TFCP2: variants seen among roughly 807,000 people sequenced by gnomAD.
TFCP2 encodes transcription factor CP2.
In TFCP2, 33 loss-of-function variants were observed where a neutral mutation model predicts 73.4. The ratio of observed to expected loss-of-function variants is 0.45; its 90% CI spans 0.34 to 0.60. TFCP2 has a LOEUF of 0.60. Among genes scored for constraint, TFCP2 ranks in the 20% least tolerant of loss-of-function variants. TFCP2 has a pLI of 0.01. For missense variants in TFCP2, 352 were observed against 604.0 expected, an observed-to-expected ratio of 0.58 and a Z score of 4.37; for synonymous variants, 193 against 211.6, an observed-to-expected ratio of 0.91 and a Z score of 0.76.
intron 1 of TFCP2, among the ~76,000 whole-genome samples, chr12:51,167,124 A>G (rs1941772481): frequency 6.6e-6 from 1 of 152,188 alleles, no homozygotes; most frequent in Admixed American, 6.6e-5. Flanking sequence ...TTCACAATGA[A>G]TCTCCTTTTC....
intron 1 of TFCP2, among the ~76,000 whole-genome samples, chr12:51,169,811 T>G: frequency 6.6e-6 from 1 of 152,228 alleles, no homozygotes. Flanking sequence ...GTGCATTTGA[T>G]TTTGATGTTG....
chr12:51,167,153 T>C (rs2137050960), intron 1 of TFCP2, among the ~76,000 whole-genome samples: 1 of 152,172 alleles, frequency 6.6e-6, no homozygotes, highest in East Asian at 1.9e-4. Flanking sequence ...ATAAAGTTTG[T>C]GCCACAATAA....
chr12:51,102,992 T>C (rs549456016), intron 10 of TFCP2, among the ~76,000 whole-genome samples: 1 of 151,510 alleles, frequency 6.6e-6, no homozygotes, highest in South Asian at 2.1e-4. Flanking sequence ...CATCAAAAAG[T>C]GCTAAATAGG....
intron 1 of TFCP2, chr12:51,125,100 C>G (rs759724586): frequency 2.5e-5 from 19 of 753,650 alleles, no homozygotes; most frequent in Middle Eastern, 4.6e-4. Flanking sequence ...GGTGAAGATG[C>G]GAGGAAGCTG....
intron 5 of TFCP2, among the ~76,000 whole-genome samples, chr12:51,110,044 G>C (rs1940360158): frequency 6.6e-6 from 1 of 151,998 alleles, no homozygotes; most frequent in African/African-American, 2.4e-5. Flanking sequence ...GAAGAACCTT[G>C]TCTGACTGAC....
chr12:51,163,054 C>T (rs988590599), intron 1 of TFCP2: 1 of 152,160 alleles, frequency 6.6e-6, no homozygotes, highest in Non-Finnish European at 1.5e-5. Context: ...AATCTCAGCA[C>T]TTTGAGAGGC....
chr12:51,111,800 G>C (rs1464746893), intron 4 of TFCP2, among the ~76,000 whole-genome samples: 1 of 151,812 alleles, frequency 6.6e-6, no homozygotes, highest in African/African-American at 2.4e-5. Flanking sequence ...GTTGCAGTGA[G>C]CCGGAGATCG....
intron 1 of TFCP2, among the ~76,000 whole-genome samples, chr12:51,131,705 ACTC>A (rs1307945704): frequency 6.6e-6 from 1 of 152,116 alleles, no homozygotes; most frequent in African/African-American, 2.4e-5. Context: ...GCCTTGAATA[ACTC>A]CTCTTTTGAA....
chr12:51,141,763 G>A (rs1181155332), intron 1 of TFCP2, among the ~76,000 whole-genome samples: 4 of 151,444 alleles, frequency 2.6e-5, no homozygotes, highest in African/African-American at 7.3e-5. Flanking sequence ...AAAAATAGCT[G>A]GGCATGGTGG....
At chr12:51,172,268 A>G (rs1466325412) in intron 1 of TFCP2, 33 bp downstream of exon 1, 2 of 1,611,574 alleles carry the variant, frequency 1.2e-6, no homozygotes, top group East Asian at 4.5e-5. Flanking sequence ...TTTGTTATTC[A>G]GAAGGTGTAG....
chr12:51,147,578 C>T (rs1388106527), intron 1 of TFCP2, among the ~76,000 whole-genome samples: 2 of 152,000 alleles, frequency 1.3e-5, no homozygotes, highest in Non-Finnish European at 2.9e-5. Flanking sequence ...GCTGGGATAA[C>T]TGGCAAGCCA....
chr12:51,156,571 C>T (rs372205384), intron 1 of TFCP2, among the ~76,000 whole-genome samples: 13 of 152,290 alleles, frequency 8.5e-5, no homozygotes, highest in African/African-American at 3.1e-4. Flanking sequence ...GCTGACTTCA[C>T]AGAATGAATT....
chr12:51,095,963 G>C, intron 14 of TFCP2, 26 bp downstream of exon 14: 1 of 1,604,738 alleles, frequency 6.2e-7, no homozygotes, highest in African/African-American at 1.3e-5. Flanking sequence ...AAACTGCTTA[G>C]AGAAAGATGT....
intron 1 of TFCP2, among the ~76,000 whole-genome samples, chr12:51,149,754 C>T (rs1941382690): frequency 6.6e-6 from 1 of 152,076 alleles, no homozygotes. Flanking sequence ...CATGCATCAC[C>T]ACGCTCAGCT....
intron 1 of TFCP2, among the ~76,000 whole-genome samples, chr12:51,159,295 A>C (rs1408645056): frequency 6.6e-6 from 1 of 151,500 alleles, no homozygotes; most frequent in Non-Finnish European, 1.5e-5. Context: ...CCTCTTTGCA[A>C]CTCTGTGATC....
chr12:51,114,860 G>A (rs1420238790), intron 4 of TFCP2, among the ~76,000 whole-genome samples: 1 of 151,280 alleles, frequency 6.6e-6, no homozygotes, highest in African/African-American at 2.4e-5. Context: ...TCAAGAGATT[G>A]AGACTACCCT....
chr12:51,132,357 CT>C (rs869123355), intron 1 of TFCP2, among the ~76,000 whole-genome samples: 80 of 61,774 alleles, frequency 1.3e-3, no homozygotes, highest in African/African-American at 3.7e-3. Context: ...AGGGATTAGT[CT>C]TTTTTTTTTT....
At chr12:51,122,055 C>T (rs1940689851) in intron 1 of TFCP2, among the ~76,000 whole-genome samples, 1 of 151,774 alleles carries the variant, frequency 6.6e-6, no homozygotes, top group African/African-American at 2.4e-5. Flanking sequence ...GAAAATAAAA[C>T]AAGTAGCAAA....
chr12:51,149,702 C>G (rs1439528465), intron 1 of TFCP2, among the ~76,000 whole-genome samples: 1 of 152,038 alleles, frequency 6.6e-6, no homozygotes, highest in Non-Finnish European at 1.5e-5. Context: ...CAGGTTCAAG[C>G]GATTCTCGTG....
Sources: gnomAD v4.1 joint callset for allele counts (sites outside exome capture counted in the v4.1 genomes callset) on GRCh38, gnomAD v4.1.1 for gene constraint, MANE v1.5 for transcripts, NCBI Gene and HGNC (gene_info 2026-07-23, HGNC 2026-07-21) for gene names.